EYS: variants seen among roughly 807,000 people sequenced by gnomAD.
EYS encodes protein eyes shut homolog.
EYS carries 250 observed loss-of-function variants against 282.1 expected under a neutral mutation model. That is an observed-to-expected ratio of 0.89 (90% confidence interval 0.80 to 0.98). EYS has a LOEUF of 0.98. Ranked by LOEUF, EYS falls within the 50% of genes least tolerant of loss-of-function variation. The pLI, the probability that EYS is intolerant of heterozygous loss-of-function variation, is 0.00. For missense variants in EYS, 4,016 were observed against 3,709.0 expected, an observed-to-expected ratio of 1.08 and a Z score of -2.15; for synonymous variants, 1,355 against 1,282.9, an observed-to-expected ratio of 1.06 and a Z score of -1.20.
intron 22 of EYS, among the ~76,000 whole-genome samples, chr6:64,760,088 G>A (rs753669481): frequency 3.3e-5 from 5 of 152,102 alleles, no homozygotes; most frequent in Non-Finnish European, 5.9e-5. Context: ...TACACTTGTT[G>A]GAATGCTGAG....
At position 65,159,335 on chromosome 6, in the gene EYS, G is replaced by A. The variant is rs972765740; in HGVS notation, c.2024-101608C>T. ...TGACCTGGCAGTGGGCATTCTAAAC[G>A]TTAATGTAGAAAGAGTGCTCTAGGT... On this transcript the variant is annotated intron_variant, in intron 12 of 42. Coordinates refer to ENST00000503581, the MANE Select transcript of EYS (RefSeq NM_001142800.2). Among the ~76,000 whole-genome samples, 8 of 150,740 alleles carry A rather than the reference G, an allele frequency of 5.3e-5. No individual in the cohort carries two copies. In the South Asian group the frequency reaches 6.2e-4, roughly 12 times the overall value.
intron 13 of EYS, among the ~76,000 whole-genome samples, chr6:65,023,520 G>A (rs72877816): frequency 0.068 from 10,325 of 152,154 alleles, 441 homozygotes; most frequent in East Asian, 0.13. Context: ...ATTTCCTGCC[G>A]TTGACATATG....
intron 30 of EYS, among the ~76,000 whole-genome samples, chr6:64,253,146 G>A (rs1767278674): frequency 6.6e-6 from 1 of 152,040 alleles, no homozygotes. Flanking sequence ...ATTCCTTGAA[G>A]CTAATTAATA....
At chr6:65,669,623 T>G (rs971771164) in intron 1 of EYS, among the ~76,000 whole-genome samples, 1 of 152,036 alleles carries the variant, frequency 6.6e-6, no homozygotes, top group Non-Finnish European at 1.5e-5. Flanking sequence ...AGGCCAGAAA[T>G]GTAAGAGCTA....
chr6:64,871,113 A>C (rs1312303080), intron 19 of EYS, among the ~76,000 whole-genome samples: 1 of 151,952 alleles, frequency 6.6e-6, no homozygotes, highest in Non-Finnish European at 1.5e-5. Flanking sequence ...CTCAAAATTA[A>C]GTTTCTACGA....
chr6:65,511,095 C>G (rs1276141142), intron 2 of EYS, among the ~76,000 whole-genome samples: 1 of 152,116 alleles, frequency 6.6e-6, no homozygotes, highest in Non-Finnish European at 1.5e-5. Context: ...TCCATTCTCA[C>G]AGTCGTGCAA....
chr6:64,070,562 C>G (rs1771537350), intron 32 of EYS, among the ~76,000 whole-genome samples: 1 of 151,960 alleles, frequency 6.6e-6, no homozygotes, highest in Admixed American at 6.6e-5. Flanking sequence ...ATAGTCATGT[C>G]TGAATAACCA....
At chr6:64,903,850 G>A (rs928546642) in intron 16 of EYS, among the ~76,000 whole-genome samples, 1 of 152,136 alleles carries the variant, frequency 6.6e-6, no homozygotes, top group Non-Finnish European at 1.5e-5. Context: ...TTAACAGGGA[G>A]CTTGGTGTTA....
intron 35 of EYS, among the ~76,000 whole-genome samples, chr6:63,945,433 G>A (rs1765367958): frequency 2.0e-5 from 3 of 152,104 alleles, no homozygotes; most frequent in African/African-American, 4.8e-5. Flanking sequence ...GAATTGGGTG[G>A]TGACACAGCC....
intron 5 of EYS, among the ~76,000 whole-genome samples, chr6:65,443,041 G>T (rs1250091338): frequency 7.8e-6 from 1 of 129,002 alleles, no homozygotes; most frequent in Admixed American, 8.6e-5. Context: ...TATATACACA[G>T]ACATACGGGA....
At chr6:64,685,883 A>T (rs1024211426) in intron 22 of EYS, among the ~76,000 whole-genome samples, 9 of 152,196 alleles carry the variant, frequency 5.9e-5, no homozygotes, top group Non-Finnish European at 1.0e-4. Context: ...ACCAAGGGTG[A>T]TAACATGCTG....
At chr6:64,533,323 T>C (rs1428165427) in intron 26 of EYS, among the ~76,000 whole-genome samples, 2 of 152,138 alleles carry the variant, frequency 1.3e-5, no homozygotes, top group Admixed American at 6.5e-5. Context: ...TTTTCTAAAA[T>C]TGATGAAAAG....
chr6:64,858,343 T>C (rs1194371098), intron 19 of EYS, among the ~76,000 whole-genome samples: 3 of 152,150 alleles, frequency 2.0e-5, no homozygotes, highest in African/African-American at 7.2e-5. Context: ...CATCACTGAT[T>C]GGGGAGACTA....
chr6:64,388,325 C>G (rs1242709891), intron 29 of EYS, among the ~76,000 whole-genome samples: 2 of 152,094 alleles, frequency 1.3e-5, no homozygotes, highest in Non-Finnish European at 2.9e-5. Flanking sequence ...TTTTCTCAAA[C>G]TATATTTTTG....
At chr6:65,532,545 T>C (rs1398457833) in intron 2 of EYS, among the ~76,000 whole-genome samples, 3 of 152,158 alleles carry the variant, frequency 2.0e-5, no homozygotes, top group Non-Finnish European at 4.4e-5. Flanking sequence ...TAATATCACA[T>C]TTGTTACTGT....
At position 65,589,688 on chromosome 6, in the gene EYS, A is replaced by T. The variant is rs570890560; in HGVS notation, c.-333+50090T>A. Among the ~76,000 whole-genome samples the T allele has an allele frequency of 4.6e-5, 7 of 152,116 alleles. 1 individual carries two copies. In the South Asian group the frequency reaches 1.4e-3, roughly 32 times the overall value. On this transcript the variant is annotated intron_variant, in intron 2 of 42. Coordinates refer to ENST00000503581, the MANE Select transcript of EYS (RefSeq NM_001142800.2). Reference sequence around the variant, plus strand: ...GAAAACCAAACTAGATTGTATACTTAAAAAAATTAAATTAAATCTTAAAAG... The same window carrying T: ...GAAAACCAAACTAGATTGTATACTTTAAAAAATTAAATTAAATCTTAAAAG...
chr6:64,696,061 A>G (rs936180355), intron 22 of EYS, among the ~76,000 whole-genome samples: 1 of 152,244 alleles, frequency 6.6e-6, no homozygotes, highest in Non-Finnish European at 1.5e-5. Context: ...CTGATTTAAA[A>G]GATATTCAAA....
intron 30 of EYS, among the ~76,000 whole-genome samples, chr6:64,290,781 G>T (rs994966657): frequency 1.3e-5 from 2 of 151,396 alleles, no homozygotes; most frequent in Non-Finnish European, 1.5e-5. Context: ...TACTTCATTG[G>T]TGAGAACTAG....
chr6:64,229,069 G>A (rs919378433), intron 31 of EYS, among the ~76,000 whole-genome samples: 2 of 152,134 alleles, frequency 1.3e-5, no homozygotes, highest in Admixed American at 1.3e-4. Flanking sequence ...GGTTTTAGGA[G>A]TTTGAGACCA....
Sources: gnomAD v4.1 joint callset for allele counts (sites outside exome capture counted in the v4.1 genomes callset) on GRCh38, gnomAD v4.1.1 for gene constraint, MANE v1.5 for transcripts, NCBI Gene and HGNC (gene_info 2026-07-23, HGNC 2026-07-21) for gene names.